NETO1: variants seen among roughly 807,000 people sequenced by gnomAD.
NETO1 encodes neuropilin and tolloid-like protein 1.
A neutral mutation model predicts 61.3 loss-of-function variants in NETO1; 26 were observed. The ratio of observed to expected loss-of-function variants is 0.42; its 90% CI spans 0.31 to 0.59. The LOEUF (loss-of-function observed/expected upper bound fraction) is 0.59. Among genes scored for constraint, NETO1 ranks in the 20% least tolerant of loss-of-function variants. NETO1 has a pLI of 0.12. For missense variants in NETO1, 531 were observed against 662.8 expected, an observed-to-expected ratio of 0.80 and a Z score of 2.18; for synonymous variants, 225 against 225.8, an observed-to-expected ratio of 1.00 and a Z score of 0.03.
intron 4 of NETO1, among the ~76,000 whole-genome samples, chr18:72,829,134 T>C (rs1001877082): frequency 2.6e-5 from 4 of 152,004 alleles, no homozygotes; most frequent in Non-Finnish European, 4.4e-5. Flanking sequence ...CACTCAGAAA[T>C]TGAAAAACAC....
rs9953401 is a variant in NETO1, at chr18:72,759,249, G to A, written c.869-3102C>T. On this transcript the variant is annotated intron_variant, in intron 7 of 10. Coordinates refer to ENST00000327305, the MANE Select transcript of NETO1 (RefSeq NM_138966.5). Reference sequence around the variant, plus strand: ...TCCACTCTGCCATCCAAATCACATCGGAACCCTATAATCTATAAACCTGTC... The same window carrying A: ...TCCACTCTGCCATCCAAATCACATCAGAACCCTATAATCTATAAACCTGTC... Among the ~76,000 whole-genome samples the A allele has an allele frequency of 8.4e-3, 1,277 of 152,036 alleles. 17 individuals are homozygous for A. Among genetic ancestry groups the A allele is most frequent in the African/African-American group, 0.029 (1,194 of 41,454 alleles).
intron 4 of NETO1, among the ~76,000 whole-genome samples, chr18:72,823,803 C>T (rs1043960048): frequency 2.0e-5 from 3 of 152,178 alleles, no homozygotes; most frequent in African/African-American, 7.2e-5. Context: ...TCCATGGGCA[C>T]TCATTTCTGC....
chr18:72,799,794 A>C (rs973920637), intron 4 of NETO1, among the ~76,000 whole-genome samples: 4 of 152,256 alleles, frequency 2.6e-5, no homozygotes, highest in African/African-American at 9.6e-5. Flanking sequence ...AGAGTTTTTT[A>C]GTTAAGAGAG....
chr18:72,749,768 A>G (rs2070529678), intron 9 of NETO1, among the ~76,000 whole-genome samples: 1 of 152,146 alleles, frequency 6.6e-6, no homozygotes. Flanking sequence ...ATTATAAATT[A>G]AAAGCCATCA....
intron 4 of NETO1, among the ~76,000 whole-genome samples, chr18:72,800,552 G>A (rs1599025426): frequency 6.6e-6 from 1 of 152,126 alleles, no homozygotes; most frequent in African/African-American, 2.4e-5. Flanking sequence ...ACATTATGGT[G>A]AGTTGTATAA....
chr18:72,862,919 G>A lies in NETO1; in HGVS notation c.220+1889C>T, dbSNP rs186910811. Among the ~76,000 whole-genome samples the A allele has an allele frequency of 7.9e-5, 12 of 152,108 alleles. No individual in the cohort carries two copies. The East Asian group carries it at 1.9e-3, about 25-fold the overall frequency. ...ACAGGTGTGAGCCACCACGTCTGGC[G>A]ATCCAGTTTCTTAAATACCTCTCAG... On this transcript the variant is annotated intron_variant, in intron 3 of 10. Coordinates refer to ENST00000327305, the MANE Select transcript of NETO1 (RefSeq NM_138966.5).
intron 4 of NETO1, among the ~76,000 whole-genome samples, chr18:72,839,370 C>T (rs9960705): frequency 0.96 from 146,267 of 152,316 alleles, 70,319 homozygotes; most frequent in Non-Finnish European, 0.99. Flanking sequence ...AAAAACGATA[C>T]AATTTTGTTT....
At position 72,844,021 on chromosome 18, in the gene NETO1, T is replaced by C. The variant is rs139369356; in HGVS notation, c.469+14805A>G. On this transcript the variant is annotated intron_variant, in intron 4 of 10. Transcript: ENST00000327305. ...TCTCTCCACCTTTTCTGGTCACTAT[T>C]CTCTGTTTCAGTTCTAAATATCTGA... Among the ~76,000 whole-genome samples the C allele has an allele frequency of 5.7e-3, 871 of 152,368 alleles. 10 individuals are homozygous for C. The highest frequency in any genetic ancestry group is 0.019 in the African/African-American group (798 of 41,596).
chr18:72,814,169 A>G (rs1305108813), intron 4 of NETO1, among the ~76,000 whole-genome samples: 1 of 152,144 alleles, frequency 6.6e-6, no homozygotes, highest in Non-Finnish European at 1.5e-5. Context: ...TTTTAGATGC[A>G]AAAAGGAATA....
intron 7 of NETO1, among the ~76,000 whole-genome samples, chr18:72,757,262 A>G (rs189539464): frequency 2.0e-5 from 3 of 152,270 alleles, no homozygotes; most frequent in African/African-American, 7.2e-5. Context: ...TTCACTTTCA[A>G]AACTGTATAT....
chr18:72,785,344 C>T (rs565822780), intron 6 of NETO1, among the ~76,000 whole-genome samples: 60 of 152,216 alleles, frequency 3.9e-4, no homozygotes, highest in African/African-American at 1.3e-3. Context: ...CAACAGGGCA[C>T]GAGTTCCTGT....
intron 4 of NETO1, among the ~76,000 whole-genome samples, chr18:72,855,162 T>C (rs1244524597): frequency 6.6e-6 from 1 of 152,226 alleles, no homozygotes; most frequent in Non-Finnish European, 1.5e-5. Context: ...TCTGCACTTA[T>C]TTCTTTTTCT....
chr18:72,835,773 A>T (rs1210629732), intron 4 of NETO1, among the ~76,000 whole-genome samples: 1 of 152,230 alleles, frequency 6.6e-6, no homozygotes, highest in Non-Finnish European at 1.5e-5. Context: ...TAAATGGGTG[A>T]GAAGAAAATT....
chr18:72,772,825 C>CTCTCTCTATATATA (rs1568187563), intron 7 of NETO1, among the ~76,000 whole-genome samples: 1 of 40,864 alleles, frequency 2.4e-5, no homozygotes. Flanking sequence ...CTCTCTCTCT[C>CTCTCTCTATATATA]TATATATATA....
intron 4 of NETO1, among the ~76,000 whole-genome samples, chr18:72,841,846 G>C (rs1489829557): frequency 2.0e-5 from 3 of 150,374 alleles, no homozygotes; most frequent in Non-Finnish European, 4.4e-5. Flanking sequence ...TTTATCTGCT[G>C]TGTTTGTTTT....
intron 4 of NETO1, among the ~76,000 whole-genome samples, chr18:72,807,601 C>T (rs1161730034): frequency 6.6e-6 from 1 of 151,974 alleles, no homozygotes; most frequent in East Asian, 1.9e-4. Context: ...TACTACTGTT[C>T]TACAGAGAAA....
intron 7 of NETO1, among the ~76,000 whole-genome samples, chr18:72,778,086 G>C (rs936221845): frequency 1.1e-4 from 17 of 152,206 alleles, no homozygotes; most frequent in Admixed American, 3.9e-4. Flanking sequence ...ACTACTGCCA[G>C]AAAGTGCCGG....
chr18:72,748,577 T>G (rs2070485910), intron 10 of NETO1, among the ~76,000 whole-genome samples: 1 of 152,156 alleles, frequency 6.6e-6, no homozygotes, highest in African/African-American at 2.4e-5. Flanking sequence ...GTACGAATTT[T>G]GAGTACAATT....
chr18:72,841,736 CA>C (rs10690867), intron 4 of NETO1, among the ~76,000 whole-genome samples: 4 of 115,420 alleles, frequency 3.5e-5, no homozygotes, highest in African/African-American at 6.5e-5. Flanking sequence ...TCTACCTCAA[CA>C]AAAAAAAAAA....
Sources: allele counts gnomAD v4.1 joint callset (sites outside exome capture counted in the v4.1 genomes callset), GRCh38; gene constraint gnomAD v4.1.1; transcripts MANE v1.5; gene names NCBI Gene and HGNC (gene_info 2026-07-23, HGNC 2026-07-21).